Variants in HCN1 observed in about 807,000 individuals in gnomAD.
HCN1 encodes hyperpolarization activated cyclic nucleotide gated potassium channel 1.
HCN1 carries 13 observed loss-of-function variants against 78.9 expected under a neutral mutation model. The observed-to-expected ratio is 0.16, with a 90% CI of 0.11 to 0.26. The LOEUF is 0.26. Among genes scored for constraint, HCN1 ranks in the 10% least tolerant of loss-of-function variants. The pLI, the probability that HCN1 is intolerant of heterozygous loss-of-function variation, is 1.00. For synonymous variants in HCN1, 552 were observed against 455.5 expected, an observed-to-expected ratio of 1.21 and a Z score of -2.70; for missense variants, 810 against 1,154.3, an observed-to-expected ratio of 0.70 and a Z score of 4.32.
At chr5:45,363,033 T>C (rs1747148433) in intron 4 of HCN1, among the ~76,000 whole-genome samples, 1 of 149,696 alleles carries the variant, frequency 6.7e-6, no homozygotes, top group Admixed American at 6.7e-5. Flanking sequence ...ATTACTACCA[T>C]GATACTTAAT....
intron 5 of HCN1, among the ~76,000 whole-genome samples, chr5:45,348,031 C>T (rs1746787684): frequency 6.6e-6 from 1 of 152,130 alleles, no homozygotes; most frequent in Admixed American, 6.5e-5. Context: ...AAAGATACTC[C>T]TTGAGAAGAG....
At chr5:45,342,865 CA>C (rs1746615257) in intron 5 of HCN1, among the ~76,000 whole-genome samples, 1 of 151,836 alleles carries the variant, frequency 6.6e-6, no homozygotes, top group African/African-American at 2.4e-5. Context: ...GTTCCTTGCA[CA>C]TAGGGGACTT....
intron 3 of HCN1, among the ~76,000 whole-genome samples, chr5:45,401,984 A>C (rs970129366): frequency 6.6e-6 from 1 of 152,120 alleles, no homozygotes; most frequent in African/African-American, 2.4e-5. Context: ...GAGTAAGACC[A>C]TGGGTCATGC....
rs536484112 is a variant in HCN1 at position 45,695,818 on chromosome 5, G to A, written c.276C>T (p.Gly92=). 2 of 1,607,674 alleles carry A rather than the reference G, an allele frequency of 1.2e-6. No individual in the cohort carries two copies. Among genetic ancestry groups the A allele is most frequent in the Non-Finnish European group, 8.5e-7 (1 of 1,178,914 alleles). ...TGGAGGTGAACTGCCTCTGCATGAA[G>A]CCGTACTGCCGCCGGGGCCCCTCGG... ...EDAEGPRRQY[G]FMQRQFTSML... Residue 92 remains glycine, a synonymous_variant, in exon 1 of 8, where the codon GGC becomes GGT. Coordinates refer to ENST00000303230, the MANE Select transcript of HCN1 (RefSeq NM_021072.4).
intron 2 of HCN1, among the ~76,000 whole-genome samples, chr5:45,618,108 A>C (rs1409022911): frequency 6.8e-6 from 1 of 146,000 alleles, no homozygotes; most frequent in Non-Finnish European, 1.5e-5. Context: ...TAGCTAATGC[A>C]CTTAGTAGAT....
chr5:45,437,639 T>G (rs1415796387), intron 3 of HCN1, among the ~76,000 whole-genome samples: 1 of 152,124 alleles, frequency 6.6e-6, no homozygotes, highest in African/African-American at 2.4e-5. Context: ...AGTGTGACAT[T>G]TGAGTCACTG....
Position 45,412,102 on chromosome 5 carries a change from C to T in HCN1, c.1012-15392G>A, listed in dbSNP as rs138711371. On this transcript the variant is annotated intron_variant, in intron 3 of 7. Transcript: ENST00000303230. ...CCTTAATAATTATCAGCATACATTT[C>T]TTAGTCAACAGGGACTGTTCAGGAA... is the stretch of plus-strand genomic sequence containing the variant. 3.1e-4 allele frequency among the ~76,000 whole-genome samples: 47 copies of T among 152,178 alleles called. 1 individual carries two copies. In the East Asian group the frequency reaches 6.9e-3, roughly 22 times the overall value.
intron 6 of HCN1, among the ~76,000 whole-genome samples, chr5:45,294,729 T>C (rs1233981620): frequency 1.3e-5 from 2 of 152,036 alleles, no homozygotes; most frequent in South Asian, 2.1e-4. Context: ...AGCATGGTCA[T>C]ATAAAACATA....
chr5:45,392,721 G>GATTACA (rs1739603919), intron 4 of HCN1, among the ~76,000 whole-genome samples: 1 of 151,170 alleles, frequency 6.6e-6, no homozygotes, highest in South Asian at 2.1e-4. Context: ...GGGAGGTGCA[G>GATTACA]ATTACAGTGA....
At chr5:45,544,894 G>C (rs983165455) in intron 2 of HCN1, among the ~76,000 whole-genome samples, 1 of 152,066 alleles carries the variant, frequency 6.6e-6, no homozygotes, top group African/African-American at 2.4e-5. Context: ...ATTGTGAATA[G>C]TGCCGCAATA....
intron 3 of HCN1, among the ~76,000 whole-genome samples, chr5:45,399,034 G>T (rs1739743631): frequency 6.6e-6 from 1 of 152,320 alleles, no homozygotes; most frequent in South Asian, 2.1e-4. Flanking sequence ...TTAGGTGGGA[G>T]ATTTAATATC....
At chr5:45,387,723 C>G (rs1016160267) in intron 4 of HCN1, among the ~76,000 whole-genome samples, 1 of 152,110 alleles carries the variant, frequency 6.6e-6, no homozygotes, top group Non-Finnish European at 1.5e-5. Flanking sequence ...AGGCCATATA[C>G]AGTAGTCCTC....
intron 3 of HCN1, among the ~76,000 whole-genome samples, chr5:45,452,977 A>G (rs986205948): frequency 3.9e-5 from 6 of 152,036 alleles, no homozygotes; most frequent in Non-Finnish European, 1.5e-5. Flanking sequence ...ATTCTGTCAT[A>G]TATCTCTAGA....
At chr5:45,587,207 C>T (rs1744248344) in intron 2 of HCN1, among the ~76,000 whole-genome samples, 1 of 152,054 alleles carries the variant, frequency 6.6e-6, no homozygotes, top group Non-Finnish European at 1.5e-5. Context: ...GGGTATATAC[C>T]CAAAGGATTA....
At chr5:45,458,276 G>C (rs188358412) in intron 3 of HCN1, among the ~76,000 whole-genome samples, 31 of 151,802 alleles carry the variant, frequency 2.0e-4, no homozygotes, top group Admixed American at 1.9e-3. Context: ...TAATATTTAA[G>C]AATAAAAATA....
At chr5:45,457,413 A>T (rs1375091171) in intron 3 of HCN1, among the ~76,000 whole-genome samples, 2 of 152,152 alleles carry the variant, frequency 1.3e-5, no homozygotes, top group Non-Finnish European at 2.9e-5. Context: ...TAATCTTATT[A>T]GAAAGTAATT....
chr5:45,478,156 A>T (rs1368625186), intron 2 of HCN1, among the ~76,000 whole-genome samples: 1 of 152,166 alleles, frequency 6.6e-6, no homozygotes, highest in Non-Finnish European at 1.5e-5. Context: ...TCTGTCAAAA[A>T]AAAAATTCAT....
chr5:45,682,904 T>G (rs1739730165), intron 1 of HCN1, among the ~76,000 whole-genome samples: 1 of 152,116 alleles, frequency 6.6e-6, no homozygotes, highest in South Asian at 2.1e-4. Flanking sequence ...TCTCATGTCT[T>G]TGCAATCTTG....
At chr5:45,677,510 G>T (rs1236938410) in intron 1 of HCN1, among the ~76,000 whole-genome samples, 1 of 151,732 alleles carries the variant, frequency 6.6e-6, no homozygotes, top group African/African-American at 2.4e-5. Context: ...GCCACTAAGG[G>T]GTTAAATTAA....
Sources: gnomAD v4.1 joint callset for allele counts (sites outside exome capture counted in the v4.1 genomes callset) on GRCh38, gnomAD v4.1.1 for gene constraint, MANE v1.5 for transcripts, NCBI Gene and HGNC (gene_info 2026-07-23, HGNC 2026-07-21) for gene names.